The following WAPL variants were observed in gnomAD, a reference collection of about 807,000 sequenced individuals.
WAPL encodes the protein WAPL cohesin release factor.
A neutral mutation model predicts 121.0 loss-of-function variants in WAPL; 5 were observed. The ratio of observed to expected loss-of-function variants is 0.04; its 90% CI spans 0.02 to 0.09. The LOEUF (loss-of-function observed/expected upper bound fraction) is 0.09. Ranked by LOEUF, WAPL falls within the 10% of genes least tolerant of loss-of-function variation. WAPL has a pLI of 1.00. For missense variants in WAPL, 999 were observed against 1,410.8 expected (o/e 0.71, Z 4.68); for synonymous variants, 480 against 481.5 (o/e 1.00, Z 0.04).
intron 9 of WAPL, among the ~76,000 whole-genome samples, chr10:86,463,984 T>A (rs1358920051): frequency 6.6e-6 from 1 of 152,234 alleles, no homozygotes; most frequent in Non-Finnish European, 1.5e-5. Flanking sequence ...TACACTCTGA[T>A]GTTCACACAG....
In WAPL at chr10:86,460,429, T is replaced by G; in HGVS notation, c.2550A>C (p.Gly850=). ...CTAAAACTCGTAAACATCTCTCTGCTCCCCATAGTGAGGCTACCAGTTTCT... is the reference window on the plus strand; with the variant it reads ...CTAAAACTCGTAAACATCTCTCTGCGCCCCATAGTGAGGCTACCAGTTTCT... The part of the protein sequence containing the change: ...DEEKLVASLW[G]AERCLRVLES... Residue 850 remains glycine, a synonymous_variant, in exon 11 of 19, where the codon GGA becomes GGC. Coordinates refer to ENST00000298767, the MANE Select transcript of WAPL (RefSeq NM_015045.5). The G allele has an allele frequency of 6.2e-7, 1 of 1,613,810 alleles. No individual in the cohort carries two copies.
intron 2 of WAPL, among the ~76,000 whole-genome samples, chr10:86,506,275 G>A (rs1842346963): frequency 6.6e-6 from 1 of 152,056 alleles, no homozygotes; most frequent in Non-Finnish European, 1.5e-5. Context: ...ATACTTTGAG[G>A]GTGAGGAAGG....
At chr10:86,512,781 T>C (rs1202973855) in intron 2 of WAPL, among the ~76,000 whole-genome samples, 3 of 151,820 alleles carry the variant, frequency 2.0e-5, no homozygotes, top group Admixed American at 6.6e-5. Flanking sequence ...GTGGAGAGAG[T>C]AGCGTGCAAA....
chr10:86,473,695 T>C (rs1841587067), intron 5 of WAPL, among the ~76,000 whole-genome samples, 183 bp downstream of exon 5: 1 of 152,228 alleles, frequency 6.6e-6, no homozygotes, highest in East Asian at 1.9e-4. Context: ...GAATTTCTGC[T>C]ATCTTACTGA....
chr10:86,435,746 T>C lies in WAPL; in HGVS notation c.*1797A>G, dbSNP rs762046501. 4.6e-5 allele frequency: 7 copies of C among 152,576 alleles called. No individual in the cohort carries two copies. Among genetic ancestry groups the C allele is most frequent in the South Asian group, 2.1e-4 (1 of 4,832 alleles). 9.5% of individuals were successfully genotyped at this position (152,576 alleles called of 1,614,324 possible). On this transcript the variant is annotated 3_prime_UTR_variant, in exon 19 of 19. Coordinates refer to ENST00000298767, the MANE Select transcript of WAPL (RefSeq NM_015045.5). ...AACAGAAAAATGCAGTTCGCCCTGA[T>C]TGTTCTCATCCAAATGTTTTATAAT... is the stretch of plus-strand genomic sequence containing the variant.
intron 17 of WAPL, among the ~76,000 whole-genome samples, chr10:86,438,254 T>C (rs1849374102): frequency 1.4e-4 from 1 of 7,318 alleles, no homozygotes; most frequent in Non-Finnish European, 5.7e-4. Context: ...ACACATTTAC[T>C]TTTTTTTTTT....
intron 16 of WAPL, among the ~76,000 whole-genome samples, chr10:86,445,074 A>G (rs1849573703): frequency 6.6e-6 from 1 of 152,076 alleles, no homozygotes; most frequent in Non-Finnish European, 1.5e-5. Context: ...AGCTGAACAT[A>G]TGGTCGTCCC....
rs1849319157 is a variant in WAPL at position 86,436,293 on chromosome 10, A to G, written c.*1250T>C. ...TATGGCTTCAAGTTTTACAAATCCA[A>G]TGAAGAAACATGATGTAACTACCTG... On this transcript the variant is annotated 3_prime_UTR_variant, in exon 19 of 19. Coordinates refer to ENST00000298767, the MANE Select transcript of WAPL (RefSeq NM_015045.5). 1 of 152,676 alleles carries G rather than the reference A, an allele frequency of 6.5e-6. No homozygotes were observed. Among genetic ancestry groups the G allele is most frequent in the Admixed American group, 6.5e-5 (1 of 15,288 alleles). The allele number at this position is 152,676 out of a possible 1,614,324, so 9.5% of individuals were successfully genotyped here. A position where few individuals can be genotyped will look rare whatever the true frequency, so the allele number is the denominator to read the frequency against.
At chr10:86,490,224 A>C (rs1471202668) in intron 4 of WAPL, among the ~76,000 whole-genome samples, 2 of 151,612 alleles carry the variant, frequency 1.3e-5, no homozygotes, top group African/African-American at 2.4e-5. Flanking sequence ...AAAAAAAAAA[A>C]CACATACACA....
intron 2 of WAPL, among the ~76,000 whole-genome samples, chr10:86,516,837 G>A (rs1027107393): frequency 2.0e-5 from 3 of 152,086 alleles, no homozygotes; most frequent in Non-Finnish European, 4.4e-5. Context: ...TGTAATCCCA[G>A]CACTTTGGGA....
At chr10:86,518,216 TA>T (rs1589546341) in intron 1 of WAPL, 125 bp from the exon 2 acceptor site, 1 of 913,464 alleles carries the variant, frequency 1.1e-6, no homozygotes. Flanking sequence ...GACTTTTAAA[TA>T]AACAAATATG....
At chr10:86,485,577 T>C (rs193165244) in intron 4 of WAPL, among the ~76,000 whole-genome samples, 1 of 152,226 alleles carries the variant, frequency 6.6e-6, no homozygotes, top group East Asian at 1.9e-4. Context: ...CATTACTTAT[T>C]AAAATCCTTC....
chr10:86,477,124 G>C (rs553067477), intron 4 of WAPL, among the ~76,000 whole-genome samples: 3 of 152,286 alleles, frequency 2.0e-5, no homozygotes, highest in East Asian at 3.9e-4. Flanking sequence ...AGATATTGAA[G>C]ACACATCTAA....
intron 2 of WAPL, among the ~76,000 whole-genome samples, chr10:86,503,942 G>A (rs1254276056): frequency 1.3e-5 from 2 of 152,060 alleles, no homozygotes; most frequent in Non-Finnish European, 2.9e-5. Context: ...GGCCGAGTCA[G>A]GCAGATCACT....
At chr10:86,479,584 A>C (rs1472394367) in intron 4 of WAPL, among the ~76,000 whole-genome samples, 1 of 152,240 alleles carries the variant, frequency 6.6e-6, no homozygotes, top group Non-Finnish European at 1.5e-5. Context: ...AGCCATAAAT[A>C]CTTTATGAAC....
chr10:86,442,965 C>T (rs939374152), intron 17 of WAPL, among the ~76,000 whole-genome samples: 2 of 151,038 alleles, frequency 1.3e-5, no homozygotes, highest in East Asian at 2.0e-4. Flanking sequence ...ATGGCGGGAA[C>T]CAGGGAGGTG....
intron 4 of WAPL, among the ~76,000 whole-genome samples, chr10:86,476,760 A>C (rs889128902): frequency 5.9e-5 from 9 of 152,222 alleles, no homozygotes; most frequent in African/African-American, 2.2e-4. Flanking sequence ...ATGTGCTGCT[A>C]GGTTTAAGTC....
intron 2 of WAPL, among the ~76,000 whole-genome samples, chr10:86,505,578 C>T (rs1032781204): frequency 6.6e-6 from 1 of 151,940 alleles, no homozygotes; most frequent in African/African-American, 2.4e-5. Context: ...TGAGCCACCG[C>T]GCCCGGTCAC....
intron 4 of WAPL, among the ~76,000 whole-genome samples, chr10:86,477,690 A>G (rs761252620): frequency 1.3e-5 from 2 of 152,106 alleles, no homozygotes; most frequent in Non-Finnish European, 2.9e-5. Flanking sequence ...AGTCCCAGCT[A>G]CTTGGGAGGC....
Sources: allele counts gnomAD v4.1 joint callset (sites outside exome capture counted in the v4.1 genomes callset), GRCh38; gene constraint gnomAD v4.1.1; transcripts MANE v1.5; gene names NCBI Gene and HGNC (gene_info 2026-07-23, HGNC 2026-07-21).